VIPR2: variants seen among roughly 807,000 people sequenced by gnomAD.
The protein encoded by VIPR2 is vasoactive intestinal peptide receptor 2, also known as vasoactive intestinal polypeptide receptor 2.
VIPR2 carries 48 observed loss-of-function variants against 58.0 expected under a neutral mutation model. The ratio of observed to expected loss-of-function variants is 0.83; its 90% CI spans 0.66 to 1.05. VIPR2 has a LOEUF of 1.05. Among genes scored for constraint, VIPR2 ranks in the 50% least tolerant of loss-of-function variants. The probability of loss-of-function intolerance (pLI) is 0.00; values close to 1 mark genes in which losing one functional copy is unlikely to be tolerated. For synonymous variants in VIPR2, 243 were observed against 235.2 expected, an observed-to-expected ratio of 1.03 and a Z score of -0.30; for missense variants, 534 against 558.0, an observed-to-expected ratio of 0.96 and a Z score of 0.43.
At chr7:159,107,760 AGG>A (rs1324174912) in intron 3 of VIPR2, among the ~76,000 whole-genome samples, 2 of 151,672 alleles carry the variant, frequency 1.3e-5, no homozygotes, top group Admixed American at 1.3e-4. Context: ...GCTGCAGGGC[AGG>A]GGTTAGGACC....
chr7:159,110,624 T>G (rs1350314436), intron 2 of VIPR2, among the ~76,000 whole-genome samples: 2 of 152,230 alleles, frequency 1.3e-5, no homozygotes, highest in Non-Finnish European at 2.9e-5. Flanking sequence ...ATACTATATT[T>G]GAGACCTCTA....
chr7:159,135,799 G>A (rs1797194111), intron 2 of VIPR2, among the ~76,000 whole-genome samples: 1 of 152,184 alleles, frequency 6.6e-6, no homozygotes, highest in Non-Finnish European at 1.5e-5. Flanking sequence ...CTCCAGCCTG[G>A]GCGACAGAGT....
intron 4 of VIPR2, among the ~76,000 whole-genome samples, chr7:159,067,080 AT>A (rs1856135570): frequency 6.6e-6 from 1 of 152,198 alleles, no homozygotes. Context: ...CACCAGCCAT[AT>A]TTTGGTGCTC....
At chr7:159,050,006 C>T (rs1854891642) in intron 5 of VIPR2, among the ~76,000 whole-genome samples, 1 of 152,060 alleles carries the variant, frequency 6.6e-6, no homozygotes, top group Admixed American at 6.6e-5. Context: ...CTAGGTATGC[C>T]AGAAACAGGA....
At position 159,030,667 on chromosome 7, in the gene VIPR2, G is replaced by A; in HGVS notation, c.1266C>T (p.His422=). The A allele has an allele frequency of 6.4e-7, 1 of 1,564,558 alleles. No homozygotes were observed. Among genetic ancestry groups the A allele is most frequent in the Non-Finnish European group, 8.7e-7 (1 of 1,155,974 alleles). ...RNGSEGALQF[H]RGSRAQSFLQ... is the part of the protein sequence containing the mutation. ...GGAAGGACTGGGCGCGGGAGCCGCGGTGGAACTGCAGGGCGCCCTCCGAGC... is the reference window on the plus strand; with the variant it reads ...GGAAGGACTGGGCGCGGGAGCCGCGATGGAACTGCAGGGCGCCCTCCGAGC... The change falls in exon 13 of 13, where the codon CAC becomes CAT. Residue 422 remains histidine, a synonymous_variant. Transcript: ENST00000262178.
chr7:159,035,526 T>C (rs1853881940), intron 8 of VIPR2, among the ~76,000 whole-genome samples: 1 of 152,146 alleles, frequency 6.6e-6, no homozygotes. Flanking sequence ...GAGAGCATAG[T>C]GGAAAAGCGC....
Position 159,098,532 on chromosome 7 carries a change from G to A in VIPR2, c.357+5225C>T, listed in dbSNP as rs371759923. 6.6e-6 allele frequency among the ~76,000 whole-genome samples: 1 copy of A among 152,134 alleles called. No individual in the cohort carries two copies. Among genetic ancestry groups the A allele is most frequent in the South Asian group, 2.1e-4 (1 of 4,832 alleles). On this transcript the variant is annotated intron_variant, in intron 4 of 12. Coordinates refer to ENST00000262178, the MANE Select transcript of VIPR2 (RefSeq NM_003382.5). The surrounding 1 kb of genome is among the most constrained non-coding windows in gnomAD (Gnocchi z 5.2). ...CTGCTTCAGGATCTGACTGCAGCAGGTGAGACCCCAAATAAAGGCCCAGAC... is the reference window on the plus strand; with the variant it reads ...CTGCTTCAGGATCTGACTGCAGCAGATGAGACCCCAAATAAAGGCCCAGAC...
At position 159,097,272 on chromosome 7, in the gene VIPR2, G is replaced by A; in HGVS notation, c.357+6485C>T. 7.3e-7 allele frequency: 1 copy of A among 1,372,508 alleles called. No homozygotes were observed. Among genetic ancestry groups the A allele is most frequent in the Non-Finnish European group, 9.4e-7 (1 of 1,063,128 alleles). The allele number at this position is 1,372,508 out of a possible 1,614,324, so 85.0% of individuals were successfully genotyped here. On this transcript the variant is annotated intron_variant, in intron 4 of 12. Transcript: ENST00000262178. The surrounding 1 kb of genome is among the most constrained non-coding windows in gnomAD (Gnocchi z 5.3). ...AGGAGGGCAGAGGCTTATTTTTAGG[G>A]ATGTGGCGTAACACGGAAGAAATGT...
In VIPR2 at chr7:159,093,784, G is replaced by C. The variant is rs1429014340; in HGVS notation, c.357+9973C>G. On this transcript the variant is annotated intron_variant, in intron 4 of 12. Transcript: ENST00000262178. This position sits in a 1 kb window ranked among gnomAD's most constrained non-coding sequence, Gnocchi z 6.7. ...GATGGGAGACCCCGCAGCGTCCCTG[G>C]GTCCGGACAGGGGAGAGGCCCTGCA... 6.6e-6 allele frequency among the ~76,000 whole-genome samples: 1 copy of C among 150,844 alleles called. No individual in the cohort carries two copies. Among genetic ancestry groups the C allele is most frequent in the Non-Finnish European group, 1.5e-5 (1 of 67,808 alleles).
At chr7:159,080,187 T>C (rs1856832912) in intron 4 of VIPR2, among the ~76,000 whole-genome samples, 1 of 152,130 alleles carries the variant, frequency 6.6e-6, no homozygotes, top group Non-Finnish European at 1.5e-5. Context: ...TAGACCAATA[T>C]CCTTGATGAA....
At chr7:159,045,495 C>T (rs141019467) in intron 5 of VIPR2, among the ~76,000 whole-genome samples, 1,724 of 152,250 alleles carry the variant, frequency 0.011, 34 homozygotes, top group African/African-American at 0.039. Flanking sequence ...GTCTTTTTAA[C>T]GAATGGTGCT....
chr7:159,044,922 T>C (rs1563268053), intron 5 of VIPR2, among the ~76,000 whole-genome samples: 1 of 152,106 alleles, frequency 6.6e-6, no homozygotes, highest in African/African-American at 2.4e-5. Flanking sequence ...CCTGCCACCA[T>C]GACCAGCTAA....
chr7:159,117,699 G>A (rs565705854), intron 2 of VIPR2, among the ~76,000 whole-genome samples: 1 of 152,310 alleles, frequency 6.6e-6, no homozygotes, highest in South Asian at 2.1e-4. Flanking sequence ...ACAGAGAGTG[G>A]CAGCTGAGGG....
At chr7:159,138,991 G>A (rs1797346587) in intron 2 of VIPR2, among the ~76,000 whole-genome samples, 1 of 152,178 alleles carries the variant, frequency 6.6e-6, no homozygotes, top group African/African-American at 2.4e-5. Flanking sequence ...TCTGGGCACT[G>A]GAGGAGAAGG....
At chr7:159,041,226 C>G (rs1171964918) in intron 6 of VIPR2, among the ~76,000 whole-genome samples, 1 of 152,232 alleles carries the variant, frequency 6.6e-6, no homozygotes, top group Non-Finnish European at 1.5e-5. Flanking sequence ...TGTGGGAGGC[C>G]AGGCCCTCCC....
intron 2 of VIPR2, among the ~76,000 whole-genome samples, chr7:159,119,054 G>A (rs922793433): frequency 2.0e-5 from 3 of 152,190 alleles, no homozygotes; most frequent in Non-Finnish European, 2.9e-5. Flanking sequence ...AGGATTCTTC[G>A]TGGTTCCAAG....
At chr7:159,062,261 G>A (rs567162999) in intron 4 of VIPR2, among the ~76,000 whole-genome samples, 7 of 152,188 alleles carry the variant, frequency 4.6e-5, no homozygotes, top group South Asian at 2.1e-4. Context: ...AGAGAGCAGC[G>A]CCAGCCTCGG....
At chr7:159,118,426 A>G (rs1266398038) in intron 2 of VIPR2, among the ~76,000 whole-genome samples, 1 of 152,150 alleles carries the variant, frequency 6.6e-6, no homozygotes, top group Non-Finnish European at 1.5e-5. Context: ...ACGAGCTTAA[A>G]ACACAGGTCC....
intron 2 of VIPR2, among the ~76,000 whole-genome samples, chr7:159,138,468 C>T (rs1180110671): frequency 1.3e-5 from 2 of 152,172 alleles, no homozygotes; most frequent in African/African-American, 4.8e-5. Context: ...ACCAACAAAA[C>T]GGTCACTAGA....
Sources: gnomAD v4.1 joint callset for allele counts (sites outside exome capture counted in the v4.1 genomes callset) on GRCh38, gnomAD v4.1.1 for gene constraint, Gnocchi (gnomAD v3.1) non-coding constraint, MANE v1.5 for transcripts, NCBI Gene and HGNC (gene_info 2026-07-23, HGNC 2026-07-21) for gene names.